The following MIPEP variants were observed in gnomAD, a reference collection of about 807,000 sequenced individuals.
MIPEP encodes the protein mitochondrial intermediate peptidase.
A neutral mutation model predicts 90.3 loss-of-function variants in MIPEP; 79 were observed. That is an observed-to-expected ratio of 0.87 (90% CI 0.73 to 1.05). MIPEP has a LOEUF of 1.05. Among genes scored for constraint, MIPEP ranks in the 50% least tolerant of loss-of-function variants. MIPEP has a pLI of 0.00. For missense variants in MIPEP, 940 were observed against 905.6 expected (o/e 1.04, Z -0.49); for synonymous variants, 334 against 315.8 (o/e 1.06, Z -0.61).
rs1870727897 is a variant in MIPEP, at chr13:23,870,184, T to G, written c.615A>C (p.Ala205=). The change falls in exon 6 of 19, where the codon GCA becomes GCC. Residue 205 remains alanine (A), a synonymous_variant. Transcript: ENST00000382172. The part of the protein sequence containing the change: ...IHLDKEKRKR[A]VDLNVKILDL... ...CCAAGATTTTAACATTGAGGTCCACTGCTCTTTTACGCTGTATGCAGGAGG... is the reference window on the plus strand; with the variant it reads ...CCAAGATTTTAACATTGAGGTCCACGGCTCTTTTACGCTGTATGCAGGAGG... 6.2e-7 allele frequency: 1 copy of G among 1,604,652 alleles called. No homozygotes were observed. The highest frequency in any genetic ancestry group is 8.5e-7 in the Non-Finnish European group (1 of 1,175,358).
intron 16 of MIPEP, among the ~76,000 whole-genome samples, chr13:23,798,360 A>G (rs1952987653): frequency 6.6e-6 from 1 of 152,212 alleles, no homozygotes; most frequent in East Asian, 1.9e-4. Flanking sequence ...AATAGAAATT[A>G]GTCTGAATAG....
intron 7 of MIPEP, among the ~76,000 whole-genome samples, chr13:23,866,881 C>G (rs1012263200): frequency 2.0e-5 from 3 of 152,150 alleles, no homozygotes; most frequent in African/African-American, 7.2e-5. Flanking sequence ...TCCGGTCCTC[C>G]CAATCTTAGT....
intron 4 of MIPEP, among the ~76,000 whole-genome samples, chr13:23,877,876 C>T (rs1194668372): frequency 6.6e-6 from 1 of 152,170 alleles, no homozygotes; most frequent in Admixed American, 6.5e-5. Context: ...TTCTTCTCTC[C>T]TACTTCCAAG....
intron 16 of MIPEP, among the ~76,000 whole-genome samples, chr13:23,763,605 T>C (rs1039672835): frequency 2.6e-5 from 4 of 152,182 alleles, no homozygotes; most frequent in African/African-American, 9.7e-5. Context: ...CATCAGCTCA[T>C]AACTGAGTTC....
intron 16 of MIPEP, among the ~76,000 whole-genome samples, chr13:23,770,389 G>A (rs1364218974): frequency 2.6e-5 from 4 of 151,968 alleles, no homozygotes; most frequent in Admixed American, 2.6e-4. Flanking sequence ...TTTAAATTAC[G>A]CTTCTTCAAC....
chr13:23,809,712 A>C, intron 15 of MIPEP, 138 bp downstream of exon 15: 1 of 597,252 alleles, frequency 1.7e-6, no homozygotes. Flanking sequence ...ATTTTGGTCA[A>C]GTTCTTTGAA....
At chr13:23,835,474 C>A (rs1344238306) in intron 14 of MIPEP, among the ~76,000 whole-genome samples, 1 of 152,102 alleles carries the variant, frequency 6.6e-6, no homozygotes, top group African/African-American at 2.4e-5. Flanking sequence ...CATTTAATTT[C>A]TTTCAGTGCT....
intron 18 of MIPEP, among the ~76,000 whole-genome samples, chr13:23,749,553 T>A (rs1329865455): frequency 6.6e-6 from 1 of 152,188 alleles, no homozygotes; most frequent in Admixed American, 6.5e-5. Flanking sequence ...GGCAAAGAGC[T>A]TTCTCCAGCC....
chr13:23,826,949 T>G (rs1868481477), intron 14 of MIPEP, among the ~76,000 whole-genome samples: 1 of 152,266 alleles, frequency 6.6e-6, no homozygotes, highest in Non-Finnish European at 1.5e-5. Context: ...ACAGACTTTT[T>G]TCTTGTCATT....
chr13:23,851,135 C>T (rs369471717), intron 10 of MIPEP, among the ~76,000 whole-genome samples: 8 of 152,226 alleles, frequency 5.3e-5, no homozygotes, highest in Non-Finnish European at 7.3e-5. Flanking sequence ...GTTGCAGACA[C>T]GACTGGCCCA....
chr13:23,763,781 T>C (rs1836074889), intron 16 of MIPEP, among the ~76,000 whole-genome samples: 1 of 152,180 alleles, frequency 6.6e-6, no homozygotes, highest in Non-Finnish European at 1.5e-5. Flanking sequence ...CCGTTGTGTC[T>C]TGCTCTTTAA....
intron 1 of MIPEP, chr13:23,888,888 A>G (rs1593215573): frequency 1.8e-6 from 1 of 564,512 alleles, no homozygotes; most frequent in Non-Finnish European, 2.6e-6. Flanking sequence ...ACGTGGAGCA[A>G]GGGGCTCATG....
rs1171831345 is a variant in MIPEP at position 23,837,679 on chromosome 13, C to A, written c.1416G>T (p.Leu472=). 1 of 1,614,124 alleles carries A rather than the reference C, an allele frequency of 6.2e-7. No individual in the cohort carries two copies. The highest frequency in any genetic ancestry group is 1.7e-5 in the Admixed American group (1 of 60,026). Residue 472 remains leucine (L), a synonymous_variant, in exon 13 of 19, where the codon CTG becomes CTT. Coordinates refer to ENST00000382172, the MANE Select transcript of MIPEP (RefSeq NM_005932.4). ...AACTCCTTGAGGAACGGGGAAGATTCAGCATAAGAACTACAACTGGGAGTT... is the reference window on the plus strand; with the variant it reads ...AACTCCTTGAGGAACGGGGAAGATTAAGCATAAGAACTACAACTGGGAGTT... ...DYQLPVVVLM[L]NLPRSSRSSP...
At chr13:23,841,198 T>A in intron 11 of MIPEP, 137 bp downstream of exon 11, 3 of 698,878 alleles carry the variant, frequency 4.3e-6, no homozygotes, top group Non-Finnish European at 4.5e-6. Context: ...AATTTGGATT[T>A]TTTTTGTGAA....
At chr13:23,796,430 A>C (rs570651566) in intron 16 of MIPEP, among the ~76,000 whole-genome samples, 2 of 150,732 alleles carry the variant, frequency 1.3e-5, no homozygotes, top group South Asian at 2.1e-4. Context: ...AAAAAACCAA[A>C]CAAACAAAAA....
chr13:23,782,983 A>G (rs941446486), intron 16 of MIPEP, among the ~76,000 whole-genome samples: 2 of 152,212 alleles, frequency 1.3e-5, no homozygotes, highest in Admixed American at 6.5e-5. Flanking sequence ...CAACCAAAAA[A>G]AATCCAGGAC....
intron 18 of MIPEP, 29 bp from the exon 19 acceptor site, chr13:23,730,474 G>A (rs367758308): frequency 1.9e-5 from 28 of 1,477,614 alleles, no homozygotes; most frequent in African/African-American, 1.1e-4. Context: ...TCAGAACTGC[G>A]TTCACCAGGA....
chr13:23,861,715 T>G (rs1033108072), intron 9 of MIPEP, among the ~76,000 whole-genome samples: 1 of 152,126 alleles, frequency 6.6e-6, no homozygotes, highest in African/African-American at 2.4e-5. Flanking sequence ...AGTCCTAATA[T>G]CTGGACTCTC....
intron 1 of MIPEP, chr13:23,888,163 T>A (rs1238476494): frequency 4.8e-6 from 2 of 417,138 alleles, no homozygotes; most frequent in East Asian, 1.5e-4. Flanking sequence ...AAATCAGGCT[T>A]CCCCTCACGT....
Sources: allele counts gnomAD v4.1 joint callset (sites outside exome capture counted in the v4.1 genomes callset), GRCh38; gene constraint gnomAD v4.1.1; transcripts MANE v1.5; gene names NCBI Gene and HGNC (gene_info 2026-07-23, HGNC 2026-07-21).